Variants in FHDC1 observed in about 807,000 individuals in gnomAD.
FHDC1 encodes FH2 domain-containing protein 1.
In FHDC1, 25 loss-of-function variants were observed where a neutral mutation model predicts 52.6. That is an observed-to-expected ratio of 0.48 (90% CI 0.35 to 0.66). The LOEUF is 0.66. Among genes scored for constraint, FHDC1 ranks in the 30% least tolerant of loss-of-function variants. The pLI is 0.01. For synonymous variants in FHDC1, 616 were observed against 581.5 expected (o/e 1.06, Z -0.85); for missense variants, 1,459 against 1,452.8 (o/e 1.00, Z -0.07).
At chr4:152,928,682 A>G in the FHDC1 span, among the ~76,000 whole-genome samples, 1 of 152,190 alleles carries the variant, frequency 6.6e-6, no homozygotes, top group African/African-American at 2.4e-5. Flanking sequence ...GGGGAAGAGA[A>G]CTGACCCGGG....
chr4:152,974,969 G>C lies in FHDC1; in HGVS notation c.1678G>C (p.Gly560Arg), dbSNP rs755345307. 1 of 1,612,436 alleles carries C rather than the reference G, an allele frequency of 6.2e-7. No homozygotes were observed. The highest frequency in any genetic ancestry group is 8.5e-7 in the Non-Finnish European group (1 of 1,179,830). ...ELLTFLESST[G>R]SPEEPNKFHS... Reference sequence around the variant, plus strand: ...GCTGACCTTCTTGGAGAGCTCCACCGGCAGCCCTGAGGAGCCCAATAAGTT... The same window carrying C: ...GCTGACCTTCTTGGAGAGCTCCACCCGCAGCCCTGAGGAGCCCAATAAGTT... The change falls in exon 12 of 12, where the codon GGC becomes CGC. Residue 560 changes from glycine to arginine, a missense_variant. Physicochemically the swap from Gly to Arg is moderately radical, Grantham distance 125. Coordinates refer to ENST00000511601, the MANE Select transcript of FHDC1 (RefSeq NM_001371116.1).
At chr4:152,972,894 C>T (rs1013516531) in intron 11 of FHDC1, among the ~76,000 whole-genome samples, 2 of 152,200 alleles carry the variant, frequency 1.3e-5, no homozygotes, top group Admixed American at 1.3e-4. Flanking sequence ...ATGTCTTTCT[C>T]TCCCGCTCCC....
chr4:152,924,979 G>A, the FHDC1 span, among the ~76,000 whole-genome samples: 2 of 150,658 alleles, frequency 1.3e-5, no homozygotes, highest in African/African-American at 2.4e-5. Context: ...CCTGCACATT[G>A]TGCACATGTA....
chr4:152,912,238 T>G, the FHDC1 span: 4 of 152,166 alleles, frequency 2.6e-5, no homozygotes, highest in East Asian at 7.7e-4. Flanking sequence ...TAGCCAATGG[T>G]ACATTTACTT....
the FHDC1 span, among the ~76,000 whole-genome samples, chr4:152,924,888 C>G: frequency 2.7e-5 from 4 of 150,372 alleles, no homozygotes; most frequent in Admixed American, 2.6e-4. Flanking sequence ...GGAGGGATAG[C>G]TTTAGGAGAC....
At chr4:152,964,710 G>A (rs556276187) in intron 8 of FHDC1, among the ~76,000 whole-genome samples, 195 bp from the exon 9 acceptor site, 30 of 152,202 alleles carry the variant, frequency 2.0e-4, no homozygotes, top group Admixed American at 5.9e-4. Flanking sequence ...CTCTGGAAAG[G>A]TAAATGTATC....
chr4:152,940,116 A>G (rs1403221425), intron 1 of FHDC1, among the ~76,000 whole-genome samples: 3 of 152,206 alleles, frequency 2.0e-5, no homozygotes, highest in African/African-American at 4.8e-5. Context: ...GGCTGTGGAA[A>G]GGGTTAGAAT....
intron 1 of FHDC1, among the ~76,000 whole-genome samples, chr4:152,939,867 C>T (rs1382772519): frequency 1.3e-5 from 2 of 152,162 alleles, no homozygotes; most frequent in Non-Finnish European, 2.9e-5. Context: ...TCTCTGTCTG[C>T]CCAGGGGCAG....
chr4:152,960,703 A>G (rs576289636), intron 5 of FHDC1, 41 bp from the exon 6 acceptor site: 7 of 1,611,622 alleles, frequency 4.3e-6, no homozygotes, highest in African/African-American at 1.3e-5. Flanking sequence ...TTTTTAAACT[A>G]ATGACATCAA....
At chr4:152,946,980 A>T (rs1429003861) in intron 2 of FHDC1, among the ~76,000 whole-genome samples, 1 of 152,174 alleles carries the variant, frequency 6.6e-6, no homozygotes, top group East Asian at 1.9e-4. Context: ...GCACTGTGGG[A>T]GGTCGAGGCA....
the FHDC1 span, among the ~76,000 whole-genome samples, chr4:152,913,685 A>AT: frequency 0.015 from 2,277 of 151,440 alleles, 66 homozygotes; most frequent in African/African-American, 0.053. Context: ...TTATTTATTT[A>AT]TTTATTTTTT....
intron 3 of FHDC1, 94 bp downstream of exon 3, chr4:152,953,654 C>A: frequency 9.5e-7 from 1 of 1,052,680 alleles, no homozygotes; most frequent in Non-Finnish European, 1.4e-6. Flanking sequence ...AAATTCCTCA[C>A]ACCTTCAAAT....
At position 152,974,918 on chromosome 4, in the gene FHDC1, C is replaced by T. The variant is rs763151669; in HGVS notation, c.1627C>T (p.Leu543=). 3.1e-6 allele frequency: 5 copies of T among 1,612,176 alleles called. No homozygotes were observed. The Admixed American group carries it at 8.3e-5, about 27-fold the overall frequency. The part of the protein sequence containing the change: ...PPNTRRSRLS[L]GPSADRELLT... Reference sequence around the variant, plus strand: ...GAACACCCGCCGCTCCCGCCTCTCCCTGGGTCCCTCTGCTGACCGGGAGCT... The same window carrying T: ...GAACACCCGCCGCTCCCGCCTCTCCTTGGGTCCCTCTGCTGACCGGGAGCT... Residue 543 remains leucine (L), a synonymous_variant, in exon 12 of 12, where the codon CTG becomes TTG. Coordinates refer to ENST00000511601, the MANE Select transcript of FHDC1 (RefSeq NM_001371116.1).
the FHDC1 span, among the ~76,000 whole-genome samples, chr4:152,927,152 A>G: frequency 8.5e-5 from 13 of 152,360 alleles, no homozygotes; most frequent in East Asian, 2.5e-3. Flanking sequence ...GAAACTCCAG[A>G]AGAGGGGTTG....
chr4:152,930,064 G>A, the FHDC1 span, among the ~76,000 whole-genome samples: 3 of 152,206 alleles, frequency 2.0e-5, no homozygotes, highest in Non-Finnish European at 2.9e-5. Flanking sequence ...CCCCAACTGT[G>A]TGAAACAGAT....
At chr4:152,952,228 G>A (rs956181121) in intron 2 of FHDC1, among the ~76,000 whole-genome samples, 2 of 152,116 alleles carry the variant, frequency 1.3e-5, no homozygotes, top group Non-Finnish European at 2.9e-5. Flanking sequence ...TGATGTTTCC[G>A]AAATATGACT....
Position 152,975,045 on chromosome 4 carries a change from G to T in FHDC1, c.1754G>T (p.Cys585Phe), listed in dbSNP as rs557662901. 1.9e-4 allele frequency: 300 copies of T among 1,612,474 alleles called. 4 individuals carry two copies. The South Asian group carries it at 3.1e-3, about 16-fold the overall frequency. The change falls in exon 12 of 12, where the codon TGC (cysteine) becomes TTC (phenylalanine). Residue 585 changes from cysteine (C) to phenylalanine (F), a missense_variant. By Grantham distance (205) the Cys-to-Phe change is radical. Transcript: ENST00000511601. ...SPRQARPTIA[C>F]LEPAEVRHQD... ...CGGCAGGCCCGGCCCACGATAGCCT[G>T]CCTGGAGCCTGCAGAAGTGAGGCAC... is the stretch of plus-strand genomic sequence containing the variant.
Position 152,974,911 on chromosome 4 carries a change from C to T in FHDC1, c.1620C>T (p.Arg540=), listed in dbSNP as rs773179266. ...GGCCCCCGAACACCCGCCGCTCCCG[C>T]CTCTCCCTGGGTCCCTCTGCTGACC... is the stretch of plus-strand genomic sequence containing the variant. ...SYRPPNTRRS[R]LSLGPSADRE... is the part of the protein sequence containing the mutation. The change falls in exon 12 of 12, where the codon CGC becomes CGT. Residue 540 remains arginine (R), a synonymous_variant. Transcript: ENST00000511601. 6.2e-7 allele frequency: 1 copy of T among 1,611,798 alleles called. No individual in the cohort carries two copies. Among genetic ancestry groups the T allele is most frequent in the Non-Finnish European group, 8.5e-7 (1 of 1,179,632 alleles).
chr4:152,921,757 C>T, the FHDC1 span, among the ~76,000 whole-genome samples: 10 of 152,112 alleles, frequency 6.6e-5, no homozygotes, highest in Admixed American at 6.6e-4. Context: ...GCTTTATAAC[C>T]CTCATGCCAA....
Sources: allele counts gnomAD v4.1 joint callset (sites outside exome capture counted in the v4.1 genomes callset), GRCh38; gene constraint gnomAD v4.1.1; transcripts MANE v1.5; gene names NCBI Gene and HGNC (gene_info 2026-07-23, HGNC 2026-07-21).